The following NAV3 variants were observed in gnomAD, a reference collection of about 807,000 sequenced individuals.
The protein encoded by NAV3 is pore membrane and/or filament interacting like protein 1.
Under a neutral mutation model 244.7 loss-of-function variants are expected in NAV3, and 87 were observed. The ratio of observed to expected loss-of-function variants is 0.36; its 90% CI spans 0.30 to 0.42. The LOEUF (loss-of-function observed/expected upper bound fraction) is 0.42. Ranked by LOEUF, NAV3 falls within the 20% of genes least tolerant of loss-of-function variation. The probability of loss-of-function intolerance (pLI) is 1.00; values close to 1 mark genes in which losing one functional copy is unlikely to be tolerated. For missense variants in NAV3, 2,663 were observed against 2,893.3 expected, an observed-to-expected ratio of 0.92 and a Z score of 1.83; for synonymous variants, 1,126 against 1,042.2, an observed-to-expected ratio of 1.08 and a Z score of -1.55.
Position 78,127,281 on chromosome 12 carries a change from C to G in NAV3, c.4280+73C>G, listed in dbSNP as rs572804231. On this transcript the variant is annotated intron_variant, in intron 17 of 39. Transcript: ENST00000397909. The stretch of plus-strand genomic sequence containing the variant: ...ACTTTGTGTGCTGTCTCTCTTCCTT[C>G]TTTGTTTGTTTGCAATGTAGCACAT... The G allele has an allele frequency of 9.7e-6, 14 of 1,446,082 alleles. No homozygotes were observed. The East Asian group carries it at 2.0e-4, about 21-fold the overall frequency. 89.6% of individuals were successfully genotyped at this position (1,446,082 alleles called of 1,614,324 possible). A position where few individuals can be genotyped will look rare whatever the true frequency, so the allele number is the denominator to read the frequency against.
At chr12:78,165,546 G>A (rs1168319558) in intron 23 of NAV3, among the ~76,000 whole-genome samples, 1 of 151,572 alleles carries the variant, frequency 6.6e-6, no homozygotes, top group Non-Finnish European at 1.5e-5. Flanking sequence ...GCTATCTTGG[G>A]AATTCATTTC....
chr12:78,143,731 A>T (rs1956735357), intron 20 of NAV3, among the ~76,000 whole-genome samples: 1 of 152,156 alleles, frequency 6.6e-6, no homozygotes, highest in Non-Finnish European at 1.5e-5. Flanking sequence ...CTACCTAAAA[A>T]TTCAAAATTT....
At chr12:77,706,334 C>T (rs536592195) in intron 2 of NAV3, among the ~76,000 whole-genome samples, 8 of 151,426 alleles carry the variant, frequency 5.3e-5, no homozygotes, top group African/African-American at 2.0e-4. Context: ...CTATATTTCT[C>T]AATAGTTATT....
chr12:77,659,626 C>G (rs1442202792), intron 2 of NAV3, among the ~76,000 whole-genome samples: 1 of 152,120 alleles, frequency 6.6e-6, no homozygotes, highest in Non-Finnish European at 1.5e-5. Context: ...ACCCAAAGGA[C>G]TATAAATCAT....
At chr12:78,077,423 A>G (rs1413084795) in intron 12 of NAV3, among the ~76,000 whole-genome samples, 3 of 152,212 alleles carry the variant, frequency 2.0e-5, no homozygotes. Flanking sequence ...ATGAGAGAAA[A>G]CAAATTGTCC....
intron 2 of NAV3, among the ~76,000 whole-genome samples, chr12:77,610,169 A>T (rs907824404): frequency 6.6e-6 from 1 of 152,084 alleles, no homozygotes; most frequent in African/African-American, 2.4e-5. Flanking sequence ...AGGATAAATG[A>T]TGCTATTGAA....
intron 2 of NAV3, among the ~76,000 whole-genome samples, chr12:77,632,583 G>C (rs1021066065): frequency 3.9e-5 from 6 of 152,110 alleles, no homozygotes; most frequent in African/African-American, 1.4e-4. Flanking sequence ...CCCACGACAC[G>C]TGGGAATTGT....
At chr12:77,589,268 C>T (rs991679986) in intron 2 of NAV3, among the ~76,000 whole-genome samples, 1 of 152,128 alleles carries the variant, frequency 6.6e-6, no homozygotes, top group African/African-American at 2.4e-5. Context: ...CAACTTCAGA[C>T]CTCCTGTCTT....
At chr12:77,665,121 T>G (rs2137052824) in intron 2 of NAV3, among the ~76,000 whole-genome samples, 1 of 152,348 alleles carries the variant, frequency 6.6e-6, no homozygotes, top group East Asian at 1.9e-4. Context: ...TCAACACTTT[T>G]GGAGTGGGGA....
chr12:77,895,660 A>C (rs1246633862), intron 1 of NAV3, among the ~76,000 whole-genome samples: 1 of 151,690 alleles, frequency 6.6e-6, no homozygotes, highest in Non-Finnish European at 1.5e-5. Flanking sequence ...TCTGCATTAA[A>C]TAGTTATCAT....
chr12:77,993,824 CTG>C lies in NAV3; in HGVS notation c.672-976_672-975del, dbSNP rs146042841. Among the ~76,000 whole-genome samples, 286 of 152,258 alleles carry C rather than the reference CTG, an allele frequency of 1.9e-3. 2 individuals are homozygous for C. Among genetic ancestry groups the C allele is most frequent in the African/African-American group, 6.5e-3 (271 of 41,536 alleles). On this transcript the variant is annotated intron_variant, in intron 5 of 39. Coordinates refer to ENST00000397909, the MANE Select transcript of NAV3 (RefSeq NM_001024383.2). ...CTTGTTTCCTTGGAGGCCTTGAAAA[CTG>C]TGCATGCACAGCAACCGGATTCATG...
chr12:78,152,780 T>A lies in NAV3; in HGVS notation c.4785+3861T>A, dbSNP rs185755570. On this transcript the variant is annotated intron_variant, in intron 22 of 39. Transcript: ENST00000397909. ...GGATATTTTAAATATAATCAAGGAT[T>A]TTTTAAATCTACAGTTCCCATTTGA... is the stretch of plus-strand genomic sequence containing the variant. Among the ~76,000 whole-genome samples, 22 of 152,116 alleles carry A rather than the reference T, an allele frequency of 1.4e-4. No homozygotes were observed. The East Asian group carries it at 4.0e-3, about 28-fold the overall frequency.
At chr12:78,167,986 C>G (rs1024981282) in intron 23 of NAV3, among the ~76,000 whole-genome samples, 9 of 150,976 alleles carry the variant, frequency 6.0e-5, no homozygotes, top group African/African-American at 2.2e-4. Flanking sequence ...ATTGGGACAT[C>G]TTAAAATTAC....
intron 12 of NAV3, among the ~76,000 whole-genome samples, chr12:78,071,287 A>G (rs1271197796): frequency 6.6e-6 from 1 of 152,102 alleles, no homozygotes; most frequent in Admixed American, 6.5e-5. Flanking sequence ...TTTGATTTGC[A>G]TTTCTCTGAT....
At chr12:77,807,663 G>T (rs1434609458) in intron 2 of NAV3, among the ~76,000 whole-genome samples, 1 of 152,088 alleles carries the variant, frequency 6.6e-6, no homozygotes, top group Non-Finnish European at 1.5e-5. Flanking sequence ...CCTTGGTGTT[G>T]CTCTTCTTCA....
At chr12:78,176,360 A>G (rs1593912413) in intron 25 of NAV3, 79 bp from the exon 26 acceptor site, 4 of 1,362,534 alleles carry the variant, frequency 2.9e-6, no homozygotes, top group East Asian at 4.8e-5. Context: ...AAAAATGTTT[A>G]TACAGGTAAT....
chr12:77,796,927 C>A (rs1391650334), intron 2 of NAV3, among the ~76,000 whole-genome samples: 1 of 151,866 alleles, frequency 6.6e-6, no homozygotes, highest in African/African-American at 2.4e-5. Flanking sequence ...GGGAAACCAA[C>A]AAGTTTGTGT....
intron 2 of NAV3, among the ~76,000 whole-genome samples, chr12:77,688,146 T>G (rs1874842459): frequency 6.6e-6 from 1 of 152,048 alleles, no homozygotes; most frequent in Non-Finnish European, 1.5e-5. Flanking sequence ...ATCTTTCATT[T>G]CAGTTCATTA....
chr12:77,923,587 G>A (rs560683782), intron 1 of NAV3, among the ~76,000 whole-genome samples: 1 of 151,958 alleles, frequency 6.6e-6, no homozygotes, highest in South Asian at 2.1e-4. Flanking sequence ...CCTCAAATGA[G>A]TATAACAAAC....
Sources: allele counts gnomAD v4.1 joint callset (sites outside exome capture counted in the v4.1 genomes callset), GRCh38; gene constraint gnomAD v4.1.1; transcripts MANE v1.5; gene names NCBI Gene and HGNC (gene_info 2026-07-23, HGNC 2026-07-21).